NXPH1: variants seen among roughly 807,000 people sequenced by gnomAD.
The protein encoded by NXPH1 is neurexophilin 1, also known as neurexophilin-1.
Under a neutral mutation model 23.7 loss-of-function variants are expected in NXPH1, and 5 were observed. The observed-to-expected ratio is 0.21, with a 90% CI of 0.11 to 0.44. The LOEUF (loss-of-function observed/expected upper bound fraction) is 0.44, where lower values mean the gene tolerates loss of function less well. Among genes scored for constraint, NXPH1 ranks in the 20% least tolerant of loss-of-function variants. The pLI is 0.99. For synonymous variants in NXPH1, 144 were observed against 122.2 expected (o/e 1.18, Z -1.18); for missense variants, 324 against 321.6 (o/e 1.01, Z -0.06).
intron 2 of NXPH1, among the ~76,000 whole-genome samples, chr7:8,519,483 T>C (rs1817735993): frequency 6.6e-6 from 1 of 152,198 alleles, no homozygotes; most frequent in Admixed American, 6.5e-5. Flanking sequence ...ACATTTAAAC[T>C]GAAGATACAC....
At chr7:8,566,451 T>C (rs1278229151) in intron 2 of NXPH1, among the ~76,000 whole-genome samples, 1 of 151,798 alleles carries the variant, frequency 6.6e-6, no homozygotes, top group Non-Finnish European at 1.5e-5. Context: ...GAGATTGGCA[T>C]GTGAGTTTGA....
chr7:8,691,556 A>G (rs1821221706), intron 2 of NXPH1, among the ~76,000 whole-genome samples: 1 of 152,232 alleles, frequency 6.6e-6, no homozygotes, highest in South Asian at 2.1e-4. Context: ...TTATAATAAA[A>G]TATTTTTTGC....
intron 2 of NXPH1, among the ~76,000 whole-genome samples, chr7:8,571,882 A>G (rs1204056317): frequency 1.9e-5 from 1 of 51,446 alleles, no homozygotes; most frequent in African/African-American, 2.0e-4. Context: ...TGGACTTGTT[A>G]AAAAAAAAAA....
chr7:8,490,271 G>T (rs1317541600), intron 2 of NXPH1, among the ~76,000 whole-genome samples: 1 of 152,006 alleles, frequency 6.6e-6, no homozygotes, highest in Non-Finnish European at 1.5e-5. Flanking sequence ...ACACAGGAGA[G>T]ATTAAAAGAA....
At chr7:8,578,972 A>G (rs113323594) in intron 2 of NXPH1, among the ~76,000 whole-genome samples, 1,630 of 152,316 alleles carry the variant, frequency 0.011, 32 homozygotes, top group African/African-American at 0.035. Flanking sequence ...GAACTCAGGT[A>G]TGGATGGAGC....
chr7:8,582,715 C>T (rs1818904502), intron 2 of NXPH1, among the ~76,000 whole-genome samples: 1 of 152,136 alleles, frequency 6.6e-6, no homozygotes, highest in Admixed American at 6.5e-5. Flanking sequence ...ATGGGCCCCA[C>T]AGGTGGGCCA....
At chr7:8,677,600 G>A (rs984734476) in intron 2 of NXPH1, among the ~76,000 whole-genome samples, 3 of 152,082 alleles carry the variant, frequency 2.0e-5, no homozygotes, top group African/African-American at 4.8e-5. Context: ...TCTGAGAAAA[G>A]CTCCTGGCCA....
intron 2 of NXPH1, among the ~76,000 whole-genome samples, chr7:8,498,605 T>A (rs1817378601): frequency 6.6e-6 from 1 of 152,090 alleles, no homozygotes; most frequent in South Asian, 2.1e-4. Flanking sequence ...TCTCATTTTT[T>A]TGTTCTTATT....
intron 2 of NXPH1, among the ~76,000 whole-genome samples, chr7:8,719,469 TC>T (rs141337727): frequency 0.18 from 27,407 of 152,160 alleles, 2,572 homozygotes; most frequent in Middle Eastern, 0.31. Flanking sequence ...GTGGTATTTT[TC>T]CTCCATATGT....
intron 2 of NXPH1, among the ~76,000 whole-genome samples, chr7:8,621,187 G>A (rs1196162414): frequency 1.3e-5 from 2 of 152,138 alleles, no homozygotes; most frequent in African/African-American, 4.8e-5. Context: ...AAGAGGACAA[G>A]GTGCCATAGA....
intron 2 of NXPH1, among the ~76,000 whole-genome samples, chr7:8,451,509 A>G (rs1816506765): frequency 6.6e-6 from 1 of 152,186 alleles, no homozygotes; most frequent in Admixed American, 6.5e-5. Context: ...TCTTTGGAAC[A>G]TTATTTTGTT....
At chr7:8,606,027 T>G (rs1024720389) in intron 2 of NXPH1, among the ~76,000 whole-genome samples, 3 of 152,162 alleles carry the variant, frequency 2.0e-5, no homozygotes, top group Admixed American at 1.3e-4. Context: ...TAATTCTTCC[T>G]GTGTCTAATA....
intron 2 of NXPH1, among the ~76,000 whole-genome samples, chr7:8,626,058 A>G (rs1159370199): frequency 6.6e-6 from 1 of 152,066 alleles, no homozygotes; most frequent in Non-Finnish European, 1.5e-5. Context: ...GAAATACAAG[A>G]TGTTATTTTT....
intron 2 of NXPH1, among the ~76,000 whole-genome samples, chr7:8,656,700 C>G (rs183046203): frequency 5.0e-4 from 76 of 151,698 alleles, no homozygotes; most frequent in Admixed American, 1.2e-3. Context: ...CCGCTCCCCC[C>G]ACCCCACAAC....
At chr7:8,601,068 C>A (rs142208000) in intron 2 of NXPH1, among the ~76,000 whole-genome samples, 131 of 152,164 alleles carry the variant, frequency 8.6e-4, no homozygotes, top group African/African-American at 2.8e-3. Flanking sequence ...GATATTATGA[C>A]ATTTTATATC....
At chr7:8,723,465 C>T (rs758557187) in intron 2 of NXPH1, among the ~76,000 whole-genome samples, 1 of 152,176 alleles carries the variant, frequency 6.6e-6, no homozygotes, top group Non-Finnish European at 1.5e-5. Flanking sequence ...GTTTTATGCT[C>T]ATCTAGGTAT....
At chr7:8,571,952 G>A (rs1210278976) in intron 2 of NXPH1, among the ~76,000 whole-genome samples, 2 of 151,664 alleles carry the variant, frequency 1.3e-5, no homozygotes, top group Non-Finnish European at 2.9e-5. Flanking sequence ...TATCTGCTGA[G>A]TTGAAATGAA....
chr7:8,506,226 T>G (rs1455328340), intron 2 of NXPH1, among the ~76,000 whole-genome samples: 3 of 152,066 alleles, frequency 2.0e-5, no homozygotes, highest in Non-Finnish European at 2.9e-5. Flanking sequence ...GATTTTTACC[T>G]CCTCTTCCTT....
chr7:8,677,219 C>T (rs369176206), intron 2 of NXPH1, among the ~76,000 whole-genome samples: 1 of 152,036 alleles, frequency 6.6e-6, no homozygotes, highest in Admixed American at 6.6e-5. Context: ...CTATGTTTAA[C>T]CAGGTTGATA....
Sources: allele counts gnomAD v4.1 joint callset (sites outside exome capture counted in the v4.1 genomes callset), GRCh38; gene constraint gnomAD v4.1.1; transcripts MANE v1.5; gene names NCBI Gene and HGNC (gene_info 2026-07-23, HGNC 2026-07-21).